Variants in PAPPA2 observed in about 807,000 individuals in gnomAD.
PAPPA2 encodes the protein pappalysin-2.
In PAPPA2, 86 loss-of-function variants were observed where a neutral mutation model predicts 176.4. The ratio of observed to expected loss-of-function variants is 0.49; its 90% confidence interval spans 0.41 to 0.58. PAPPA2 has a LOEUF of 0.58. Among genes scored for constraint, PAPPA2 ranks in the 20% least tolerant of loss-of-function variants. The pLI is 0.00. For missense variants in PAPPA2, 2,073 were observed against 2,256.9 expected (o/e 0.92, Z 1.65); for synonymous variants, 809 against 852.2 (o/e 0.95, Z 0.88).
chr1:176,698,531 T>C (rs1312763265), intron 7 of PAPPA2, among the ~76,000 whole-genome samples: 2 of 152,184 alleles, frequency 1.3e-5, no homozygotes, highest in Non-Finnish European at 2.9e-5. Flanking sequence ...ATAATATGTG[T>C]TTATATTTCC....
At chr1:176,765,162 C>T (rs1337540686) in intron 14 of PAPPA2, among the ~76,000 whole-genome samples, 2 of 152,146 alleles carry the variant, frequency 1.3e-5, no homozygotes, top group African/African-American at 2.4e-5. Context: ...ATTGGTGTTG[C>T]CTTTCTGTCA....
At chr1:176,835,493 C>A (rs567921942) in intron 21 of PAPPA2, among the ~76,000 whole-genome samples, 2 of 152,264 alleles carry the variant, frequency 1.3e-5, no homozygotes, top group African/African-American at 4.8e-5. Flanking sequence ...CACATTCTCA[C>A]AAGCACTTGC....
Position 176,623,747 on chromosome 1 carries a change from TTTCC to T in PAPPA2, c.1991+28163_1991+28166del, listed in dbSNP as rs1208804063. Among the ~76,000 whole-genome samples, 108 of 86,342 alleles carry T rather than the reference TTTCC, an allele frequency of 1.3e-3. 2 individuals are homozygous for T. The highest frequency in any genetic ancestry group is 5.5e-3 in the Middle Eastern group (1 of 182). The allele number at this position is 86,342 out of a possible 152,430, so 56.6% of individuals were successfully genotyped here. A position where few individuals can be genotyped will look rare whatever the true frequency, so the allele number is the denominator to read the frequency against. ...CTTTCTCTTTCTTTCTTTCTCTCTC[TTTCC>T]TTCCTTCCTTTCTTTCTTTCTTTCT... is the stretch of plus-strand genomic sequence containing the variant. On this transcript the variant is annotated intron_variant, in intron 3 of 22. Coordinates refer to ENST00000367662, the MANE Select transcript of PAPPA2 (RefSeq NM_020318.3).
In PAPPA2 at chr1:176,695,701, C is replaced by A. The variant is rs757940089; in HGVS notation, c.2625-37C>A. ...CTTATCCCAACTCATCTGATGGACT[C>A]TCCTCATCTCCCATCTCCATCCCTT... On this transcript the variant is annotated intron_variant, in intron 6 of 22. Coordinates refer to ENST00000367662, the MANE Select transcript of PAPPA2 (RefSeq NM_020318.3). The A allele has an allele frequency of 7.5e-6, 12 of 1,610,524 alleles. No individual in the cohort carries two copies. In the South Asian group the frequency reaches 1.3e-4, roughly 18 times the overall value.
At chr1:176,684,495 C>T (rs1246788773) in intron 4 of PAPPA2, among the ~76,000 whole-genome samples, 2 of 152,064 alleles carry the variant, frequency 1.3e-5, no homozygotes, top group Non-Finnish European at 2.9e-5. Context: ...CAGGCAAGAG[C>T]AGGAACACCA....
At chr1:176,754,521 A>G (rs1663328245) in intron 14 of PAPPA2, among the ~76,000 whole-genome samples, 1 of 152,150 alleles carries the variant, frequency 6.6e-6, no homozygotes, top group African/African-American at 2.4e-5. Flanking sequence ...GGCCCTGCTG[A>G]AATTTATACC....
intron 1 of PAPPA2, among the ~76,000 whole-genome samples, chr1:176,538,570 A>C (rs913108876): frequency 3.3e-5 from 5 of 152,192 alleles, no homozygotes; most frequent in African/African-American, 4.8e-5. Context: ...GATTGCTTTT[A>C]GAGAGGAGGG....
At chr1:176,489,924 A>C (rs1236188090) in intron 1 of PAPPA2, among the ~76,000 whole-genome samples, 1 of 152,190 alleles carries the variant, frequency 6.6e-6, no homozygotes, top group Admixed American at 6.5e-5. Flanking sequence ...CATGTGGTAT[A>C]TATTCAATAA....
chr1:176,635,507 G>A (rs576189685), intron 3 of PAPPA2, among the ~76,000 whole-genome samples: 12 of 152,094 alleles, frequency 7.9e-5, no homozygotes, highest in African/African-American at 2.7e-4. Context: ...AAATATTAAT[G>A]ACTCTCAAAT....
chr1:176,483,079 C>T (rs1401669181), intron 1 of PAPPA2, among the ~76,000 whole-genome samples: 1 of 152,180 alleles, frequency 6.6e-6, no homozygotes, highest in African/African-American at 2.4e-5. Flanking sequence ...CATTCCTCCT[C>T]GTACATGATC....
At chr1:176,812,932 C>T (rs1666220275) in intron 21 of PAPPA2, among the ~76,000 whole-genome samples, 1 of 152,116 alleles carries the variant, frequency 6.6e-6, no homozygotes, top group African/African-American at 2.4e-5. Flanking sequence ...CTAATGCTCT[C>T]CCTCCCCCAA....
chr1:176,495,409 G>A (rs185471151), intron 1 of PAPPA2, among the ~76,000 whole-genome samples: 173 of 151,946 alleles, frequency 1.1e-3, no homozygotes, highest in African/African-American at 3.9e-3. Context: ...ACATGGTGGC[G>A]CATGCCTCTA....
chr1:176,823,981 A>T (rs944392411), intron 21 of PAPPA2, among the ~76,000 whole-genome samples: 4 of 152,220 alleles, frequency 2.6e-5, no homozygotes, highest in Non-Finnish European at 5.9e-5. Context: ...GTGCAAAGAA[A>T]GGAGAAAAGA....
chr1:176,654,476 T>C (rs1251542505), intron 3 of PAPPA2, among the ~76,000 whole-genome samples: 1 of 149,498 alleles, frequency 6.7e-6, no homozygotes, highest in Non-Finnish European at 1.5e-5. Context: ...TTATATATTT[T>C]GGTTACCATA....
At chr1:176,496,652 A>G (rs1175842409) in intron 1 of PAPPA2, among the ~76,000 whole-genome samples, 1 of 152,172 alleles carries the variant, frequency 6.6e-6, no homozygotes, top group Admixed American at 6.5e-5. Flanking sequence ...TCATGAAGTC[A>G]TCTCAGAGAT....
At chr1:176,471,043 C>T (rs12742614) in intron 1 of PAPPA2, among the ~76,000 whole-genome samples, 26,805 of 152,058 alleles carry the variant, frequency 0.18, 2,566 homozygotes, top group South Asian at 0.35. Context: ...AGGTGATAGC[C>T]TGTGATATGC....
chr1:176,469,360 G>C (rs1334533489), intron 1 of PAPPA2, among the ~76,000 whole-genome samples: 2 of 152,214 alleles, frequency 1.3e-5, no homozygotes, highest in Non-Finnish European at 2.9e-5. Context: ...GTTTCTGGGA[G>C]AGGGAGTGGG....
At chr1:176,716,388 GGT>G (rs1661374027) in intron 12 of PAPPA2, among the ~76,000 whole-genome samples, 1 of 151,502 alleles carries the variant, frequency 6.6e-6, no homozygotes, top group African/African-American at 2.4e-5. Flanking sequence ...TGGAATTACA[GGT>G]GCCCGCCATT....
chr1:176,629,021 C>T (rs1339366293), intron 3 of PAPPA2, among the ~76,000 whole-genome samples: 7 of 152,182 alleles, frequency 4.6e-5, no homozygotes, highest in Non-Finnish European at 7.3e-5. Context: ...ACCAATCTGA[C>T]CCCCATCTGT....
Sources: allele counts gnomAD v4.1 joint callset (sites outside exome capture counted in the v4.1 genomes callset), GRCh38; gene constraint gnomAD v4.1.1; transcripts MANE v1.5; gene names NCBI Gene and HGNC (gene_info 2026-07-23, HGNC 2026-07-21).